Variants in PLEKHD1 observed in about 807,000 individuals in gnomAD.
PLEKHD1 encodes pleckstrin homology and coiled-coil domain containing D1.
A neutral mutation model predicts 69.2 loss-of-function variants in PLEKHD1; 51 were observed. The observed-to-expected ratio is 0.74, with a 90% CI of 0.59 to 0.93. PLEKHD1 has a LOEUF of 0.93. PLEKHD1 is among the 40% of genes least tolerant of loss of function. PLEKHD1 has a pLI of 0.00. For synonymous variants in PLEKHD1, 236 were observed against 244.7 expected (o/e 0.96, Z 0.33); for missense variants, 584 against 641.0 (o/e 0.91, Z 0.96).
At chr14:69,502,591 C>T (rs1379232772) in intron 5 of PLEKHD1, 1 of 546,086 alleles carries the variant, frequency 1.8e-6, no homozygotes, top group Non-Finnish European at 3.3e-6. Context: ...TTTGAACTTC[C>T]AAGGATGAGG....
intron 6 of PLEKHD1, among the ~76,000 whole-genome samples, chr14:69,513,779 G>A (rs1296347989): frequency 2.6e-5 from 4 of 152,078 alleles, no homozygotes; most frequent in African/African-American, 9.7e-5. Context: ...TGCAAGACAG[G>A]TCTACTGGCA....
intron 6 of PLEKHD1, chr14:69,503,139 A>T (rs976633025): frequency 2.0e-6 from 1 of 493,354 alleles, no homozygotes; most frequent in Non-Finnish European, 3.7e-6. Context: ...GAGCCATCCA[A>T]AGTGTCATCA....
chr14:69,526,581 C>T (rs1268680969), intron 9 of PLEKHD1, 116 bp from the exon 10 acceptor site: 2 of 1,290,600 alleles, frequency 1.5e-6, no homozygotes, highest in Non-Finnish European at 2.1e-6. Context: ...TTCAGGGGCT[C>T]ATAAAGCCTG....
chr14:69,523,040 C>T (rs1159385064), intron 7 of PLEKHD1, among the ~76,000 whole-genome samples: 1 of 152,128 alleles, frequency 6.6e-6, no homozygotes, highest in Non-Finnish European at 1.5e-5. Flanking sequence ...TCAAGTGATT[C>T]TTGTGCCTCA....
chr14:69,492,043 C>G (rs187591337), intron 1 of PLEKHD1, among the ~76,000 whole-genome samples: 72 of 152,278 alleles, frequency 4.7e-4, no homozygotes, highest in Admixed American at 3.5e-3. Flanking sequence ...TGGCAGCTCC[C>G]CTTGTCTGCA....
chr14:69,519,378 G>T (rs1279335841), intron 6 of PLEKHD1, among the ~76,000 whole-genome samples: 1 of 152,048 alleles, frequency 6.6e-6, no homozygotes, highest in Non-Finnish European at 1.5e-5. Context: ...ATCTGATGGA[G>T]ACTTTAATTG....
intron 1 of PLEKHD1, among the ~76,000 whole-genome samples, chr14:69,488,354 G>C (rs181660467): frequency 6.6e-6 from 1 of 152,148 alleles, no homozygotes; most frequent in African/African-American, 2.4e-5. Context: ...CACCAATGCC[G>C]AGCTTTCCCA....
At chr14:69,484,601 C>A, upstream of PLEKHD1, 1 of 174,482 alleles carries the variant, frequency 5.7e-6, no homozygotes, top group Non-Finnish European at 1.2e-5. Flanking sequence ...GGCCGGCCTC[C>A]CGCCGGCTCA....
At chr14:69,526,581 C>A in intron 9 of PLEKHD1, 116 bp from the exon 10 acceptor site, 1 of 1,290,718 alleles carries the variant, frequency 7.7e-7, no homozygotes, top group Non-Finnish European at 1.0e-6. Context: ...TTCAGGGGCT[C>A]ATAAAGCCTG....
intron 6 of PLEKHD1, among the ~76,000 whole-genome samples, chr14:69,521,193 A>T (rs1883506807): frequency 6.6e-6 from 1 of 152,224 alleles, no homozygotes; most frequent in Non-Finnish European, 1.5e-5. Context: ...TGGTGGTGAC[A>T]ACAATTGGCA....
At chr14:69,491,557 G>A (rs1393974566) in intron 1 of PLEKHD1, among the ~76,000 whole-genome samples, 1 of 152,188 alleles carries the variant, frequency 6.6e-6, no homozygotes, top group East Asian at 1.9e-4. Context: ...TAAACTCAGT[G>A]GCATTCGCAT....
chr14:69,521,697 C>G (rs919053275), intron 6 of PLEKHD1, among the ~76,000 whole-genome samples: 1 of 152,206 alleles, frequency 6.6e-6, no homozygotes, highest in African/African-American at 2.4e-5. Context: ...AGGGGCAAGT[C>G]TGGTCCCCTG....
the PLEKHD1 span, among the ~76,000 whole-genome samples, chr14:69,476,586 A>G: frequency 6.6e-6 from 1 of 152,234 alleles, no homozygotes; most frequent in East Asian, 1.9e-4. Flanking sequence ...TTAAAAGAAA[A>G]CTAAAAGACA....
At chr14:69,479,086 T>C in the PLEKHD1 span, among the ~76,000 whole-genome samples, 2 of 152,180 alleles carry the variant, frequency 1.3e-5, no homozygotes, top group African/African-American at 2.4e-5. Flanking sequence ...CTCACAATCA[T>C]GGTAGAAGGT....
chr14:69,506,610 G>T (rs1238079466), intron 6 of PLEKHD1, among the ~76,000 whole-genome samples: 1 of 152,126 alleles, frequency 6.6e-6, no homozygotes, highest in Non-Finnish European at 1.5e-5. Context: ...GCAAAACTAC[G>T]CAGCAAATAC....
intron 6 of PLEKHD1, among the ~76,000 whole-genome samples, chr14:69,514,749 T>C (rs910735362): frequency 3.3e-5 from 5 of 152,138 alleles, no homozygotes; most frequent in African/African-American, 1.2e-4. Flanking sequence ...GTTGCGCCCC[T>C]GGACTGTGAA....
At chr14:69,509,318 T>C (rs1048632429) in intron 6 of PLEKHD1, among the ~76,000 whole-genome samples, 12 of 152,216 alleles carry the variant, frequency 7.9e-5, no homozygotes, top group African/African-American at 2.9e-4. Flanking sequence ...GTTTTCTTAT[T>C]CTCTTGATGT....
Position 69,500,133 on chromosome 14 carries a change from G to A in PLEKHD1, c.168G>A (p.Glu56=), listed in dbSNP as rs4902723. The change falls in exon 2 of 13, where the codon GAG becomes GAA. Residue 56 remains glutamate, a synonymous_variant. Transcript: ENST00000322564. ...KWSRRFFIIK[E]SFLLYYSESE... ...ACTATAGGTTTTTCATCATCAAAGA[G>A]AGCTTTCTGCTTTACTACTCTGAGA... The A allele has an allele frequency of 0.13, 199,699 of 1,547,748 alleles. 13,432 individuals are homozygous for A. Among genetic ancestry groups the A allele is most frequent in the African/African-American group, 0.15 (11,136 of 72,984 alleles).
intron 1 of PLEKHD1, among the ~76,000 whole-genome samples, chr14:69,498,416 G>C (rs1278738710): frequency 6.6e-6 from 1 of 151,888 alleles, no homozygotes; most frequent in African/African-American, 2.4e-5. Context: ...GGGTTGACAT[G>C]AGGCTCACAC....
Sources: allele counts gnomAD v4.1 joint callset (sites outside exome capture counted in the v4.1 genomes callset), GRCh38; gene constraint gnomAD v4.1.1; transcripts MANE v1.5; gene names NCBI Gene and HGNC (gene_info 2026-07-23, HGNC 2026-07-21).